The following CFAP54 variants were observed in gnomAD, a reference collection of about 807,000 sequenced individuals.
CFAP54 encodes the protein cilia- and flagella-associated protein 54.
In CFAP54, 290 loss-of-function variants were observed where a neutral mutation model predicts 370.4. The ratio of observed to expected loss-of-function variants is 0.78; its 90% CI spans 0.71 to 0.86. The LOEUF is 0.86. Among genes scored for constraint, CFAP54 ranks in the 40% least tolerant of loss-of-function variants. CFAP54 has a pLI of 0.00. For missense variants in CFAP54, 3,399 were observed against 3,528.7 expected, an observed-to-expected ratio of 0.96 and a Z score of 0.93; for synonymous variants, 1,206 against 1,236.5, an observed-to-expected ratio of 0.98 and a Z score of 0.52.
intron 39 of CFAP54, among the ~76,000 whole-genome samples, chr12:96,664,688 GGTATATATCTAT>G (rs1957039624): frequency 2.3e-5 from 2 of 88,868 alleles, no homozygotes; most frequent in Admixed American, 2.3e-4. Flanking sequence ...TATTCCTTTG[GGTATATATCTAT>G]ATATATATAT....
chr12:96,494,547 C>T (rs185886266), intron 1 of CFAP54, among the ~76,000 whole-genome samples: 119 of 151,834 alleles, frequency 7.8e-4, no homozygotes, highest in Middle Eastern at 6.8e-3. Flanking sequence ...GTGATCCACC[C>T]GCCTCAGCCT....
intron 67 of CFAP54, among the ~76,000 whole-genome samples, chr12:96,861,821 A>G (rs1489140908): frequency 6.6e-6 from 1 of 152,198 alleles, no homozygotes; most frequent in African/African-American, 2.4e-5. Flanking sequence ...TTTCCCTGCC[A>G]AATTGGAAAA....
chr12:96,659,435 CT>C (rs1956965064), intron 38 of CFAP54, among the ~76,000 whole-genome samples: 1 of 152,038 alleles, frequency 6.6e-6, no homozygotes, highest in Non-Finnish European at 1.5e-5. Flanking sequence ...TAATCTAGAG[CT>C]GACAATACTT....
intron 23 of CFAP54, among the ~76,000 whole-genome samples, chr12:96,590,143 TA>T (rs1176212098): frequency 6.6e-6 from 1 of 152,228 alleles, no homozygotes; most frequent in Non-Finnish European, 1.5e-5. Flanking sequence ...TAATATCAGT[TA>T]TATCGTAAAA....
intron 50 of CFAP54, among the ~76,000 whole-genome samples, chr12:96,723,232 A>G (rs1040507712): frequency 1.3e-5 from 2 of 152,234 alleles, no homozygotes; most frequent in Non-Finnish European, 2.9e-5. Flanking sequence ...TAACAACTAA[A>G]AAAAGTAAAG....
At chr12:96,848,481 G>A (rs1288614397) in intron 66 of CFAP54, among the ~76,000 whole-genome samples, 1 of 152,104 alleles carries the variant, frequency 6.6e-6, no homozygotes, top group Non-Finnish European at 1.5e-5. Flanking sequence ...GGTGGATCAC[G>A]AGGTCAAGAG....
chr12:96,529,415 A>C (rs960726531), intron 9 of CFAP54, among the ~76,000 whole-genome samples: 3 of 152,312 alleles, frequency 2.0e-5, no homozygotes, highest in Admixed American at 2.0e-4. Context: ...GGATATTCCC[A>C]TGTTGCTTCA....
intron 50 of CFAP54, among the ~76,000 whole-genome samples, chr12:96,730,288 C>G (rs1269731628): frequency 6.6e-6 from 1 of 152,176 alleles, no homozygotes; most frequent in Non-Finnish European, 1.5e-5. Context: ...CCTGAACAGT[C>G]TCATAGAGGT....
In CFAP54 at chr12:96,792,462, C is replaced by T. The variant is rs1328698954; in HGVS notation, c.8813C>T (p.Pro2938Leu). 1 of 1,535,818 alleles carries T rather than the reference C, an allele frequency of 6.5e-7. No individual in the cohort carries two copies. The highest frequency in any genetic ancestry group is 2.0e-5 in the Admixed American group (1 of 50,992). Reference sequence around the variant, plus strand: ...GAACTTTGCTTTCAATGGTACATTCCTCCCCTGGATAGACCTCCCAAGGAG... The same window carrying T: ...GAACTTTGCTTTCAATGGTACATTCTTCCCCTGGATAGACCTCCCAAGGAG... ...NKELCFQWYI[P>L]PLDRPPKETE... The change falls in exon 63 of 68, where the codon CCT becomes CTT. Residue 2938 changes from proline (P) to leucine (L), a missense_variant. Coordinates refer to ENST00000524981, the MANE Select transcript of CFAP54 (RefSeq NM_001306084.2).
At chr12:96,822,078 A>T (rs1959041548) in intron 65 of CFAP54, among the ~76,000 whole-genome samples, 1 of 152,134 alleles carries the variant, frequency 6.6e-6, no homozygotes, top group East Asian at 1.9e-4. Context: ...TTTAAGATGT[A>T]TTGGGAGGAC....
chr12:96,740,079 T>C lies in CFAP54; in HGVS notation c.7071+18T>C, dbSNP rs765102333. ...GAACTTCTGTAAGTATGACTTAATG[T>C]CTGTTCTTACAATACTTATCATATA... On this transcript the variant is annotated intron_variant, in intron 51 of 67. Transcript: ENST00000524981. 1 of 1,325,922 alleles carries C rather than the reference T, an allele frequency of 7.5e-7. No individual in the cohort carries two copies. The highest frequency in any genetic ancestry group is 1.2e-5 in the South Asian group (1 of 82,826). 82.1% of individuals were successfully genotyped at this position (1,325,922 alleles called of 1,614,324 possible). A position where few individuals can be genotyped will look rare whatever the true frequency, so the allele number is the denominator to read the frequency against.
intron 25 of CFAP54, among the ~76,000 whole-genome samples, chr12:96,596,216 A>C (rs1329227961): frequency 1.3e-5 from 2 of 152,168 alleles, no homozygotes; most frequent in Non-Finnish European, 2.9e-5. Flanking sequence ...CAAAGATACC[A>C]CATTGGGAAC....
At chr12:96,662,994 C>G (rs1247962764) in intron 38 of CFAP54, among the ~76,000 whole-genome samples, 1 of 152,086 alleles carries the variant, frequency 6.6e-6, no homozygotes, top group Non-Finnish European at 1.5e-5. Context: ...AGATGTTTCA[C>G]AAGAGTGAGA....
In CFAP54 at chr12:96,626,981, A is replaced by G. The variant is rs893495619; in HGVS notation, c.4103+42A>G. 27 of 1,233,492 alleles carry G rather than the reference A, an allele frequency of 2.2e-5. No homozygotes were observed. The African/African-American group carries it at 4.0e-4, about 18-fold the overall frequency. The allele number at this position is 1,233,492 out of a possible 1,614,324, so 76.4% of individuals were successfully genotyped here. On this transcript the variant is annotated intron_variant, in intron 30 of 67. Coordinates refer to ENST00000524981, the MANE Select transcript of CFAP54 (RefSeq NM_001306084.2). ...GTGTTATACATGTTAACAACTTTAA[A>G]AAATGAATATCATTGTCAGTTTTAA...
intron 66 of CFAP54, among the ~76,000 whole-genome samples, chr12:96,854,626 A>G (rs1406560827): frequency 6.6e-6 from 1 of 152,216 alleles, no homozygotes; most frequent in African/African-American, 2.4e-5. Flanking sequence ...ATAAATCAGG[A>G]TACAGCCAGT....
chr12:96,562,229 T>G (rs1377595680), intron 17 of CFAP54, among the ~76,000 whole-genome samples: 1 of 152,162 alleles, frequency 6.6e-6, no homozygotes, highest in Non-Finnish European at 1.5e-5. Context: ...TCCTGGCAAA[T>G]TAACAAATTA....
At chr12:96,489,978 G>T in intron 1 of CFAP54, 52 bp downstream of exon 1, 2 of 1,460,514 alleles carry the variant, frequency 1.4e-6, no homozygotes, top group Non-Finnish European at 1.8e-6. Flanking sequence ...AGGGACCCCT[G>T]GAAAGGGCTG....
chr12:96,845,820 C>T (rs1959326961), intron 66 of CFAP54, among the ~76,000 whole-genome samples: 2 of 152,186 alleles, frequency 1.3e-5, no homozygotes, highest in South Asian at 4.1e-4. Context: ...AATACATAAT[C>T]TCTATTTATT....
intron 9 of CFAP54, 21 bp downstream of exon 9, chr12:96,527,465 T>G (rs1027819833): frequency 1.4e-6 from 2 of 1,477,764 alleles, no homozygotes; most frequent in Non-Finnish European, 1.8e-6. Context: ...TGTTAAGATA[T>G]TGTTTTATGA....
Sources: allele counts gnomAD v4.1 joint callset (sites outside exome capture counted in the v4.1 genomes callset), GRCh38; gene constraint gnomAD v4.1.1; transcripts MANE v1.5; gene names NCBI Gene and HGNC (gene_info 2026-07-23, HGNC 2026-07-21).